Variants in HCRTR2 observed in about 807,000 individuals in gnomAD.
The protein encoded by HCRTR2 is hypocretin receptor 2.
Under a neutral mutation model 49.0 loss-of-function variants are expected in HCRTR2, and 22 were observed. The observed-to-expected ratio is 0.45, with a 90% CI of 0.32 to 0.64. HCRTR2 has a LOEUF of 0.64. HCRTR2 is among the 30% of genes least tolerant of loss of function. The pLI, the probability that HCRTR2 is intolerant of heterozygous loss-of-function variation, is 0.04. For synonymous variants in HCRTR2, 236 were observed against 205.3 expected (o/e 1.15, Z -1.28); for missense variants, 491 against 559.4 (o/e 0.88, Z 1.23).
intron 1 of HCRTR2, among the ~76,000 whole-genome samples, chr6:55,220,768 A>G (rs1265351034): frequency 1.3e-5 from 2 of 152,194 alleles, no homozygotes; most frequent in African/African-American, 4.8e-5. Flanking sequence ...AGGGAAAATT[A>G]TCTCTATTCC....
chr6:55,229,698 A>G (rs772243722), intron 1 of HCRTR2, among the ~76,000 whole-genome samples: 26 of 152,224 alleles, frequency 1.7e-4, no homozygotes, highest in Non-Finnish European at 3.4e-4. Flanking sequence ...ACTCATGGAA[A>G]CAGAGACTAG....
chr6:55,187,750 G>T (rs1419321121), intron 1 of HCRTR2, among the ~76,000 whole-genome samples: 3 of 110,082 alleles, frequency 2.7e-5, no homozygotes, highest in African/African-American at 1.0e-4. Context: ...TGTGTTAGTT[G>T]TCTGAATACC....
chr6:55,106,713 C>A (rs1581775462), intron 1 of HCRTR2, among the ~76,000 whole-genome samples: 1 of 152,050 alleles, frequency 6.6e-6, no homozygotes, highest in Admixed American at 6.6e-5. Flanking sequence ...TTTTTGTTAA[C>A]CACCAAGCAT....
chr6:55,212,325 T>G (rs908704597), intron 1 of HCRTR2, among the ~76,000 whole-genome samples: 2 of 152,190 alleles, frequency 1.3e-5, no homozygotes, highest in Admixed American at 1.3e-4. Context: ...TCCCCCTTTT[T>G]TATTTCTATA....
chr6:55,150,017 A>G (rs1054667687), intron 1 of HCRTR2, among the ~76,000 whole-genome samples: 3 of 152,110 alleles, frequency 2.0e-5, no homozygotes, highest in Non-Finnish European at 4.4e-5. Context: ...GCACTAAGGA[A>G]CATTACACTC....
At chr6:55,143,013 CAG>C (rs1764530664) in intron 1 of HCRTR2, among the ~76,000 whole-genome samples, 1 of 136,952 alleles carries the variant, frequency 7.3e-6, no homozygotes, top group African/African-American at 2.9e-5. Flanking sequence ...GATAGACAGA[CAG>C]ACAGATAGAA....
chr6:55,246,622 A>T (rs1766449600), intron 1 of HCRTR2, among the ~76,000 whole-genome samples: 1 of 152,058 alleles, frequency 6.6e-6, no homozygotes, highest in Non-Finnish European at 1.5e-5. Flanking sequence ...AAGAGGATAT[A>T]TGGATGATAT....
At chr6:55,152,791 A>G (rs1313411493) in intron 1 of HCRTR2, among the ~76,000 whole-genome samples, 1 of 152,022 alleles carries the variant, frequency 6.6e-6, no homozygotes, top group Admixed American at 6.6e-5. Flanking sequence ...TAGCATTTCA[A>G]CATGTGAATT....
intron 1 of HCRTR2, among the ~76,000 whole-genome samples, chr6:55,146,540 T>A (rs1764582574): frequency 6.6e-6 from 1 of 150,428 alleles, no homozygotes; most frequent in Non-Finnish European, 1.5e-5. Context: ...TGACATTTGA[T>A]TAATAAAATC....
intron 1 of HCRTR2, among the ~76,000 whole-genome samples, chr6:55,206,363 G>C (rs956475183): frequency 6.6e-6 from 1 of 151,942 alleles, no homozygotes; most frequent in Admixed American, 6.6e-5. Context: ...ATGATTTCAC[G>C]ACTGTGATAG....
intron 1 of HCRTR2, among the ~76,000 whole-genome samples, chr6:55,241,928 G>T (rs1766342183): frequency 6.9e-6 from 1 of 145,672 alleles, no homozygotes; most frequent in African/African-American, 2.6e-5. Context: ...GAGTGCAGTG[G>T]TGAAATCTCG....
At chr6:55,111,858 C>A (rs1764052637) in intron 1 of HCRTR2, among the ~76,000 whole-genome samples, 1 of 151,972 alleles carries the variant, frequency 6.6e-6, no homozygotes, top group Admixed American at 6.6e-5. Flanking sequence ...GACTAAAGAC[C>A]AATGTCCCTG....
intron 1 of HCRTR2, among the ~76,000 whole-genome samples, chr6:55,168,237 A>T (rs1352456943): frequency 6.6e-6 from 1 of 152,174 alleles, no homozygotes; most frequent in African/African-American, 2.4e-5. Flanking sequence ...GGGAGATGTC[A>T]TCCTGAAGAG....
chr6:55,260,482 T>A (rs1332273485), intron 3 of HCRTR2, among the ~76,000 whole-genome samples: 1 of 152,162 alleles, frequency 6.6e-6, no homozygotes, highest in Non-Finnish European at 1.5e-5. Flanking sequence ...ACTGGCCTGC[T>A]TTACAGGATC....
At chr6:55,268,505 G>T (rs373382236) in intron 4 of HCRTR2, among the ~76,000 whole-genome samples, 5 of 151,880 alleles carry the variant, frequency 3.3e-5, no homozygotes, top group Non-Finnish European at 7.4e-5. Context: ...TATACAAATA[G>T]GTTAAATGTA....
At chr6:55,141,922 T>A (rs1764512873) in intron 1 of HCRTR2, among the ~76,000 whole-genome samples, 1 of 152,170 alleles carries the variant, frequency 6.6e-6, no homozygotes, top group Non-Finnish European at 1.5e-5. Context: ...TTATTCTTCA[T>A]AAATTAAAGA....
At chr6:55,179,323 T>G (rs1765092607) in intron 1 of HCRTR2, among the ~76,000 whole-genome samples, 1 of 152,190 alleles carries the variant, frequency 6.6e-6, no homozygotes, top group East Asian at 1.9e-4. Context: ...CAAGACTCAA[T>G]AGAATCATGA....
intron 1 of HCRTR2, among the ~76,000 whole-genome samples, chr6:55,109,729 CA>C (rs1044813008): frequency 2.6e-5 from 4 of 151,878 alleles, no homozygotes; most frequent in African/African-American, 9.7e-5. Context: ...ATATGTTAAG[CA>C]GCCAAACCTA....
In HCRTR2 at chr6:55,280,488, G is replaced by C. The variant is rs552405018; in HGVS notation, c.1105+44G>C. 36 of 1,608,218 alleles carry C rather than the reference G, an allele frequency of 2.2e-5. No individual in the cohort carries two copies. In the South Asian group the frequency reaches 3.4e-4, roughly 15 times the overall value. On this transcript the variant is annotated intron_variant, in intron 6 of 6. Transcript: ENST00000370862. ...TTCCATAAGCCACAATTGTAACCAA[G>C]GATGAGGAATCAATGAACACTCTTC...
Sources: gnomAD v4.1 joint callset for allele counts (sites outside exome capture counted in the v4.1 genomes callset) on GRCh38, gnomAD v4.1.1 for gene constraint, MANE v1.5 for transcripts, NCBI Gene and HGNC (gene_info 2026-07-23, HGNC 2026-07-21) for gene names.